Variants in COL5A2 observed in about 807,000 individuals in gnomAD.
COL5A2 encodes the protein collagen alpha-2(V) chain.
COL5A2 carries 23 observed loss-of-function variants against 208.2 expected under a neutral mutation model. The observed-to-expected ratio is 0.11, with a 90% CI of 0.08 to 0.16. COL5A2 has a LOEUF of 0.16. Among genes scored for constraint, COL5A2 ranks in the 10% least tolerant of loss-of-function variants. COL5A2 has a pLI of 1.00. For synonymous variants in COL5A2, 625 were observed against 628.5 expected (o/e 0.99, Z 0.08); for missense variants, 1,590 against 1,956.4 (o/e 0.81, Z 3.53).
At chr2:189,055,685 C>T (rs1685887124) in intron 35 of COL5A2, among the ~76,000 whole-genome samples, 1 of 151,746 alleles carries the variant, frequency 6.6e-6, no homozygotes, top group Non-Finnish European at 1.5e-5. Flanking sequence ...TCATTTTTTC[C>T]CTACTATGAG....
At chr2:189,075,279 C>T (rs1686380162) in intron 17 of COL5A2, 114 bp downstream of exon 17, 1 of 743,488 alleles carries the variant, frequency 1.3e-6, no homozygotes, top group Non-Finnish European at 2.4e-6. Flanking sequence ...TGTCCATCAA[C>T]TTTTTATTCC....
chr2:189,212,738 G>A (rs900121279), intron 1 of COL5A2, among the ~76,000 whole-genome samples: 12 of 151,800 alleles, frequency 7.9e-5, no homozygotes, highest in African/African-American at 2.9e-4. Context: ...TGGTAGATGG[G>A]CAATAGAGAC....
upstream of COL5A2, among the ~76,000 whole-genome samples, chr2:189,227,421 A>G (rs774074462): frequency 2.0e-5 from 3 of 152,168 alleles, no homozygotes; most frequent in Non-Finnish European, 2.9e-5. Flanking sequence ...CAATCAAAAT[A>G]CAAAGTGGCT....
chr2:189,157,859 T>C (rs1481547273), intron 1 of COL5A2, among the ~76,000 whole-genome samples: 2 of 152,044 alleles, frequency 1.3e-5, no homozygotes, highest in African/African-American at 4.8e-5. Context: ...ATATTAGTCA[T>C]ACATATATTA....
chr2:189,102,707 T>C (rs7419543), intron 3 of COL5A2, among the ~76,000 whole-genome samples: 19,988 of 152,112 alleles, frequency 0.13, 1,347 homozygotes, highest in Middle Eastern at 0.19. Flanking sequence ...ATTTGCCTCA[T>C]AGCCATATAA....
At position 189,046,088 on chromosome 2, in the gene COL5A2, T is replaced by C. The variant is rs1451790125; in HGVS notation, c.3202-181A>G. The stretch of plus-strand genomic sequence containing the variant: ...AATTAATAAATCAAATTGAAAAGAA[T>C]AAAGTTATTTCTTCCTAATTTCAAG... On this transcript the variant is annotated intron_variant, in intron 45 of 53. Transcript: ENST00000374866. Among the ~76,000 whole-genome samples the C allele has an allele frequency of 3.3e-5, 5 of 152,106 alleles. No homozygotes were observed. In the East Asian group the frequency reaches 9.6e-4, roughly 29 times the overall value.
the COL5A2 span, among the ~76,000 whole-genome samples, chr2:189,403,459 A>G: frequency 6.6e-6 from 1 of 152,136 alleles, no homozygotes; most frequent in Non-Finnish European, 1.5e-5. Context: ...ACTATGTTGA[A>G]TAGGAGTGGT....
Position 189,150,699 on chromosome 2 carries a change from T to C in COL5A2, c.97+28809A>G, listed in dbSNP as rs147502430. ...GTTTCTTGATGTTTATTGGAACCTC[T>C]ACTATTTTCAGATCTTTGTTCTAGA... is the stretch of plus-strand genomic sequence containing the variant. On this transcript the variant is annotated intron_variant, in intron 1 of 53. Transcript: ENST00000374866. Among the ~76,000 whole-genome samples the C allele has an allele frequency of 6.6e-4, 101 of 152,322 alleles. 2 individuals are homozygous for C. The East Asian group carries it at 0.015, about 22-fold the overall frequency.
chr2:189,147,509 G>T (rs1383716977), intron 1 of COL5A2, among the ~76,000 whole-genome samples: 1 of 152,094 alleles, frequency 6.6e-6, no homozygotes, highest in African/African-American at 2.4e-5. Context: ...TCATGGTACT[G>T]GGAGGGAAAA....
the COL5A2 span, among the ~76,000 whole-genome samples, chr2:189,361,145 C>G: frequency 2.5e-4 from 38 of 151,984 alleles, no homozygotes; most frequent in Non-Finnish European, 5.0e-4. Flanking sequence ...CAATTTAACT[C>G]TGATTTTTTT....
chr2:189,246,527 C>T, the COL5A2 span, among the ~76,000 whole-genome samples: 16 of 152,270 alleles, frequency 1.1e-4, no homozygotes, highest in African/African-American at 2.6e-4. Flanking sequence ...CTAGAGGTAA[C>T]GCTGAGAATT....
the COL5A2 span, among the ~76,000 whole-genome samples, chr2:189,247,815 A>G: frequency 6.6e-6 from 1 of 152,110 alleles, no homozygotes; most frequent in Non-Finnish European, 1.5e-5. Context: ...CCTGACCTCA[A>G]GTGATCCACG....
chr2:189,347,067 CA>C, the COL5A2 span, among the ~76,000 whole-genome samples: 2 of 152,160 alleles, frequency 1.3e-5, no homozygotes, highest in African/African-American at 4.8e-5. Context: ...AGTCTCACTC[CA>C]ATACTTTCAA....
At chr2:189,282,055 G>T in the COL5A2 span, among the ~76,000 whole-genome samples, 2 of 151,980 alleles carry the variant, frequency 1.3e-5, no homozygotes, top group South Asian at 4.1e-4. Context: ...CGTAGTGGTG[G>T]GCACCTGTAA....
chr2:189,043,338 A>T (rs141075174), intron 47 of COL5A2, 80 bp from the exon 48 acceptor site: 11 of 964,550 alleles, frequency 1.1e-5, no homozygotes, highest in African/African-American at 1.6e-5. Context: ...TTTACTTTTT[A>T]TAATTGTATT....
rs769790821 is a variant in COL5A2, at chr2:189,039,480, G to A, written c.3717C>T (p.His1239=). ...LTAALGDIMG[H]YDESMPDPLP... ...GTGGATCTGGCATGCTTTCATCATA[G>A]TGCCCCATGATATCCCCAAGAGCAG... is the stretch of plus-strand genomic sequence containing the variant. The change falls in exon 51 of 54, where the codon CAC becomes CAT. Residue 1239 remains histidine (H), a synonymous_variant. Transcript: ENST00000374866. 20 of 1,614,060 alleles carry A rather than the reference G, an allele frequency of 1.2e-5. No individual in the cohort carries two copies. In the South Asian group the frequency reaches 2.2e-4, roughly 18 times the overall value.
intron 32 of COL5A2, 146 bp downstream of exon 32, chr2:189,058,703 G>T: frequency 2.2e-6 from 2 of 912,938 alleles, no homozygotes; most frequent in Non-Finnish European, 3.4e-6. Flanking sequence ...TAGTTTCATA[G>T]CACAAAATAT....
At chr2:189,136,060 C>A (rs965301467) in intron 1 of COL5A2, among the ~76,000 whole-genome samples, 3 of 152,120 alleles carry the variant, frequency 2.0e-5, no homozygotes, top group African/African-American at 7.2e-5. Flanking sequence ...AAAATGATTG[C>A]GAGTGGGATG....
At chr2:189,269,303 C>T in the COL5A2 span, among the ~76,000 whole-genome samples, 96 of 152,200 alleles carry the variant, frequency 6.3e-4, no homozygotes, top group South Asian at 0.013. Context: ...TATTGGGCAT[C>T]GTTGTCTTGT....
Sources: allele counts gnomAD v4.1 joint callset (sites outside exome capture counted in the v4.1 genomes callset), GRCh38; gene constraint gnomAD v4.1.1; transcripts MANE v1.5; gene names NCBI Gene and HGNC (gene_info 2026-07-23, HGNC 2026-07-21).